RNF216: variants seen among roughly 807,000 people sequenced by gnomAD.
RNF216 encodes the protein E3 ubiquitin-protein ligase RNF216.
In RNF216, 72 loss-of-function variants were observed where a neutral mutation model predicts 110.8. The observed-to-expected ratio is 0.65, with a 90% CI of 0.54 to 0.79. The LOEUF (loss-of-function observed/expected upper bound fraction) is 0.79, where lower values mean the gene tolerates loss of function less well. Ranked by LOEUF, RNF216 falls within the 30% of genes least tolerant of loss-of-function variation. RNF216 has a pLI of 0.00. For synonymous variants in RNF216, 495 were observed against 407.5 expected (o/e 1.21, Z -2.59); for missense variants, 1,342 against 1,141.2 (o/e 1.18, Z -2.54).
chr7:5,677,296 C>A (rs886260803), intron 13 of RNF216, among the ~76,000 whole-genome samples: 8 of 152,322 alleles, frequency 5.3e-5, no homozygotes, highest in South Asian at 4.1e-4. Context: ...ACATGCTCTA[C>A]TGTATGGGTG....
At chr7:5,658,654 C>CAAAAAAA (rs753036691) in intron 13 of RNF216, among the ~76,000 whole-genome samples, 10 of 74,924 alleles carry the variant, frequency 1.3e-4, no homozygotes, top group African/African-American at 3.3e-4. Context: ...GAGACTGTCT[C>CAAAAAAA]AAAAAAAAAA....
chr7:5,721,092 G>A lies in RNF216; in HGVS notation c.1585C>T (p.Leu529Phe). The stretch of plus-strand genomic sequence containing the variant: ...TCCTGCTCTTGTTGCACAGCTGGAA[G>A]GAGAGCACGTCGGTCATAGGACCTA... ...HCRSYDRRAL[L>F]PAVQQEQEFY... Residue 529 changes from leucine to phenylalanine, a missense_variant, in exon 9 of 17, where the codon CTT becomes TTT. Leu to Phe is a conservative substitution (Grantham distance 22, BLOSUM62 0). Coordinates refer to ENST00000389902, the MANE Select transcript of RNF216 (RefSeq NM_207111.4). 6.2e-7 allele frequency: 1 copy of A among 1,614,116 alleles called. No homozygotes were observed. The highest frequency in any genetic ancestry group is 8.5e-7 in the Non-Finnish European group (1 of 1,179,964).
At chr7:5,769,611 C>T (rs759403122) in intron 1 of RNF216, among the ~76,000 whole-genome samples, 1 of 151,776 alleles carries the variant, frequency 6.6e-6, no homozygotes, top group Non-Finnish European at 1.5e-5. Context: ...GTGGTACCAG[C>T]TACATGGGAG....
chr7:5,670,078 C>T (rs1324092582), intron 13 of RNF216, among the ~76,000 whole-genome samples: 1 of 152,068 alleles, frequency 6.6e-6, no homozygotes, highest in Non-Finnish European at 1.5e-5. Context: ...AGGCACGCAC[C>T]ACCATGCCCA....
In RNF216 at chr7:5,716,752, CA is replaced by C; in HGVS notation, c.1658del (p.Leu553CysfsTer6). On this transcript the variant is annotated frameshift_variant, in exon 10 of 17. Coordinates refer to ENST00000389902, the MANE Select transcript of RNF216 (RefSeq NM_207111.4). LOFTEE classifies it high-confidence loss of function. ...GTTCTTCATTCATCTGTAGGGCAAG[CA>C]AAAAGTCTTCATGCTGAAGAACAAA... is the stretch of plus-strand genomic sequence containing the variant. ...IKEMAEHEDF[L>X]LALQMNEEQY... 1.2e-6 allele frequency: 2 copies of C among 1,605,562 alleles called. No homozygotes were observed. Among genetic ancestry groups the C allele is most frequent in the Non-Finnish European group, 1.7e-6 (2 of 1,175,568 alleles).
At position 5,641,205 on chromosome 7, in the gene RNF216, T is replaced by C. The variant is rs953823131; in HGVS notation, c.2331A>G (p.Pro777=). Residue 777 remains proline, a synonymous_variant, in exon 15 of 17, where the codon CCA becomes CCG. Coordinates refer to ENST00000389902, the MANE Select transcript of RNF216 (RefSeq NM_207111.4). ...TTGAACACTCCTGGCAAGGGGCTCC[T>C]GGTGAGCGGGGATGTTGGCAGAAAT... ...YDHFCQHPRS[P]GAPCQECSRC... 9 of 1,614,212 alleles carry C rather than the reference T, an allele frequency of 5.6e-6. No individual in the cohort carries two copies. The highest frequency in any genetic ancestry group is 7.6e-6 in the Non-Finnish European group (9 of 1,180,042).
intron 2 of RNF216, 128 bp from the exon 3 acceptor site, chr7:5,753,107 G>T (rs145099684): frequency 4.3e-5 from 36 of 842,418 alleles, no homozygotes; most frequent in Non-Finnish European, 6.1e-5. Flanking sequence ...ACCTCCTCAA[G>T]CAGCCCGTGC....
At chr7:5,683,541 T>A (rs1179066347) in intron 13 of RNF216, among the ~76,000 whole-genome samples, 2 of 152,110 alleles carry the variant, frequency 1.3e-5, no homozygotes, top group Non-Finnish European at 2.9e-5. Flanking sequence ...CTTAACCACC[T>A]CATCAGAACT....
chr7:5,651,850 T>A (rs1014744870), intron 14 of RNF216, among the ~76,000 whole-genome samples: 1 of 152,162 alleles, frequency 6.6e-6, no homozygotes, highest in Non-Finnish European at 1.5e-5. Context: ...GGTTTCACCA[T>A]GTTGGCCAGG....
At chr7:5,722,914 C>T (rs141612538) in intron 8 of RNF216, among the ~76,000 whole-genome samples, 5 of 151,778 alleles carry the variant, frequency 3.3e-5, no homozygotes, top group Non-Finnish European at 5.9e-5. Context: ...GCAGGAGAAT[C>T]GCTTGAGCTT....
chr7:5,721,555 A>T (rs893552839), intron 8 of RNF216, among the ~76,000 whole-genome samples: 2 of 152,188 alleles, frequency 1.3e-5, no homozygotes, highest in Admixed American at 6.5e-5. Flanking sequence ...TCCGCAATTT[A>T]CCTGCGAATT....
intron 3 of RNF216, among the ~76,000 whole-genome samples, chr7:5,744,582 A>G (rs1794933269): frequency 6.6e-6 from 1 of 152,250 alleles, no homozygotes; most frequent in Non-Finnish European, 1.5e-5. Context: ...TGTTTTGTTT[A>G]ATTCTATAGA....
intron 1 of RNF216, among the ~76,000 whole-genome samples, chr7:5,768,485 C>T (rs933524425): frequency 6.6e-6 from 1 of 151,858 alleles, no homozygotes; most frequent in African/African-American, 2.4e-5. Context: ...ACCTAACTGA[C>T]ACTTTATCCA....
intron 13 of RNF216, among the ~76,000 whole-genome samples, chr7:5,659,010 G>A (rs997853139): frequency 2.0e-5 from 3 of 152,138 alleles, no homozygotes; most frequent in African/African-American, 7.2e-5. Context: ...GAAGCAACTG[G>A]AAGAGTCTAT....
chr7:5,668,664 T>C (rs1474176066), intron 13 of RNF216, among the ~76,000 whole-genome samples: 3 of 152,026 alleles, frequency 2.0e-5, no homozygotes, highest in Non-Finnish European at 4.4e-5. Context: ...AGAAGAATGA[T>C]AAAAAGTATA....
intron 1 of RNF216, among the ~76,000 whole-genome samples, chr7:5,761,493 T>C (rs1231142522): frequency 2.6e-5 from 4 of 151,672 alleles, no homozygotes; most frequent in Non-Finnish European, 5.9e-5. Context: ...AATCAGAAAA[T>C]GAATTATGTT....
chr7:5,655,615 G>A (rs1414813405), intron 13 of RNF216, among the ~76,000 whole-genome samples: 1 of 151,416 alleles, frequency 6.6e-6, no homozygotes, highest in Non-Finnish European at 1.5e-5. Flanking sequence ...CAAAAAAAGG[G>A]GGGACAAAAA....
chr7:5,776,944 G>A (rs1241858309), intron 1 of RNF216, among the ~76,000 whole-genome samples: 52 of 119,026 alleles, frequency 4.4e-4, no homozygotes, highest in Non-Finnish European at 7.9e-4. Flanking sequence ...GAGAGAGAGA[G>A]AAAAAAAGAA....
intron 15 of RNF216, among the ~76,000 whole-genome samples, chr7:5,634,599 C>T (rs773015457): frequency 2.6e-5 from 4 of 152,172 alleles, no homozygotes; most frequent in Non-Finnish European, 4.4e-5. Context: ...AGAGACTTCA[C>T]GGGCTCAGGG....
Sources: gnomAD v4.1 joint callset for allele counts (sites outside exome capture counted in the v4.1 genomes callset) on GRCh38, gnomAD v4.1.1 for gene constraint, MANE v1.5 for transcripts, NCBI Gene and HGNC (gene_info 2026-07-23, HGNC 2026-07-21) for gene names.